Variants in ROBO2 observed in about 807,000 individuals in gnomAD.
ROBO2 encodes roundabout homolog 2.
ROBO2 carries 53 observed loss-of-function variants against 160.8 expected under a neutral mutation model. The ratio of observed to expected loss-of-function variants is 0.33; its 90% CI spans 0.26 to 0.41. The LOEUF (loss-of-function observed/expected upper bound fraction) is 0.41. Ranked by LOEUF, ROBO2 falls within the 10% of genes least tolerant of loss-of-function variation. The probability of loss-of-function intolerance (pLI) is 1.00; values close to 1 mark genes in which losing one functional copy is unlikely to be tolerated. For synonymous variants in ROBO2, 664 were observed against 611.7 expected, an observed-to-expected ratio of 1.09 and a Z score of -1.26; for missense variants, 1,577 against 1,722.4, an observed-to-expected ratio of 0.92 and a Z score of 1.49.
At chr3:77,582,691 G>T (rs975980239) in intron 16 of ROBO2, among the ~76,000 whole-genome samples, 7 of 151,366 alleles carry the variant, frequency 4.6e-5, no homozygotes, top group Non-Finnish European at 8.8e-5. Flanking sequence ...TCTTTTTTTT[G>T]TTGTTGTTAT....
intron 2 of ROBO2, among the ~76,000 whole-genome samples, chr3:76,078,956 CATT>C (rs2068729910): frequency 6.6e-6 from 1 of 152,066 alleles, no homozygotes; most frequent in Non-Finnish European, 1.5e-5. Context: ...GATAATAGCT[CATT>C]GTAGTCTTGA....
Position 77,226,296 on chromosome 3 carries a change from CT to C in ROBO2, c.388+127966del, listed in dbSNP as rs142177538. On this transcript the variant is annotated intron_variant, in intron 2 of 25. Transcript: ENST00000461745. ...ACCGTTGTACGTGAATATTTATGTC[CT>C]TTTTTTTTTCAGTTTCACGTATATT... Among the ~76,000 whole-genome samples the C allele has an allele frequency of 6.1e-4, 90 of 147,254 alleles. 2 individuals are homozygous for C. In the East Asian group the frequency reaches 0.012, roughly 20 times the overall value.
At chr3:76,305,412 A>G (rs1226092389) in intron 2 of ROBO2, among the ~76,000 whole-genome samples, 5 of 149,060 alleles carry the variant, frequency 3.4e-5, no homozygotes, top group Non-Finnish European at 5.9e-5. Flanking sequence ...AAAAAAAAAA[A>G]AAAAAAAAAA....
chr3:76,001,991 A>AATTTGAAG (rs2065903072), intron 2 of ROBO2, among the ~76,000 whole-genome samples: 1 of 152,208 alleles, frequency 6.6e-6, no homozygotes, highest in Non-Finnish European at 1.5e-5. Context: ...TGTCTTTTAT[A>AATTTGAAG]ATTTGAAGAT....
At chr3:76,137,750 A>G (rs998959117) in intron 2 of ROBO2, among the ~76,000 whole-genome samples, 2 of 151,866 alleles carry the variant, frequency 1.3e-5, no homozygotes, top group Non-Finnish European at 2.9e-5. Flanking sequence ...CCTTGACTCA[A>G]TGTCCCCTAC....
At chr3:76,602,352 A>G (rs1326892762) in intron 2 of ROBO2, among the ~76,000 whole-genome samples, 1 of 152,116 alleles carries the variant, frequency 6.6e-6, no homozygotes, top group Non-Finnish European at 1.5e-5. Flanking sequence ...GTATCTTTTC[A>G]GCAAGACCCC....
At chr3:76,135,662 CA>C (rs577085988) in intron 2 of ROBO2, among the ~76,000 whole-genome samples, 1 of 151,988 alleles carries the variant, frequency 6.6e-6, no homozygotes, top group South Asian at 2.1e-4. Flanking sequence ...GTCTGTGATC[CA>C]AAATATTTTC....
At chr3:77,325,510 A>G (rs1044988894) in intron 2 of ROBO2, among the ~76,000 whole-genome samples, 1 of 152,152 alleles carries the variant, frequency 6.6e-6, no homozygotes, top group African/African-American at 2.4e-5. Context: ...ATTTAGTAGC[A>G]CTGACATTGA....
At chr3:76,145,781 C>T (rs1420155854) in intron 2 of ROBO2, among the ~76,000 whole-genome samples, 2 of 151,992 alleles carry the variant, frequency 1.3e-5, no homozygotes, top group East Asian at 3.9e-4. Flanking sequence ...GTTTTTCAAA[C>T]TAATTAGACA....
chr3:76,586,826 T>C (rs1251339092), intron 2 of ROBO2, among the ~76,000 whole-genome samples: 2 of 152,192 alleles, frequency 1.3e-5, no homozygotes, highest in African/African-American at 4.8e-5. Context: ...TGATCACATA[T>C]GCAAAGATAT....
At chr3:76,158,870 C>A (rs1175029029) in intron 2 of ROBO2, among the ~76,000 whole-genome samples, 1 of 152,106 alleles carries the variant, frequency 6.6e-6, no homozygotes, top group Non-Finnish European at 1.5e-5. Context: ...GATTACTTAT[C>A]ATCTTTACCA....
chr3:75,914,231 A>G (rs746449739), intron 1 of ROBO2, among the ~76,000 whole-genome samples: 236 of 152,308 alleles, frequency 1.5e-3, no homozygotes, highest in Non-Finnish European at 2.7e-3. Flanking sequence ...TTAAGAGTAA[A>G]GTAAATTATA....
chr3:77,090,062 A>G (rs1332550805), intron 1 of ROBO2, among the ~76,000 whole-genome samples: 3 of 152,130 alleles, frequency 2.0e-5, no homozygotes, highest in Non-Finnish European at 2.9e-5. Context: ...TTCTTTGGAA[A>G]TCTAGTGTAA....
At chr3:77,006,207 A>C (rs2061568468) in intron 2 of ROBO2, among the ~76,000 whole-genome samples, 1 of 152,080 alleles carries the variant, frequency 6.6e-6, no homozygotes. Flanking sequence ...GGCATTATCC[A>C]ACCAGGACCA....
chr3:76,750,369 C>T (rs1001864914), intron 2 of ROBO2, among the ~76,000 whole-genome samples: 15 of 152,068 alleles, frequency 9.9e-5, no homozygotes, highest in Non-Finnish European at 2.2e-4. Context: ...TGGAAGCATT[C>T]CCTTTGAAAA....
chr3:76,725,757 G>A, intron 2 of ROBO2, among the ~76,000 whole-genome samples: 1 of 152,138 alleles, frequency 6.6e-6, no homozygotes, highest in Non-Finnish European at 1.5e-5. Context: ...GGCCTCAGTG[G>A]AATTCTACAC....
At chr3:76,122,842 T>C (rs2070808478) in intron 2 of ROBO2, among the ~76,000 whole-genome samples, 1 of 152,186 alleles carries the variant, frequency 6.6e-6, no homozygotes, top group Admixed American at 6.5e-5. Context: ...AATTGTCTGA[T>C]GTTTTGTGAT....
chr3:76,227,077 G>A (rs1047332348), intron 2 of ROBO2, among the ~76,000 whole-genome samples: 5 of 152,148 alleles, frequency 3.3e-5, no homozygotes, highest in South Asian at 2.1e-4. Flanking sequence ...CAATTTTGCC[G>A]ACTGGCTCAC....
chr3:76,993,999 G>C (rs2060842196), intron 2 of ROBO2, among the ~76,000 whole-genome samples: 1 of 151,710 alleles, frequency 6.6e-6, no homozygotes, highest in Non-Finnish European at 1.5e-5. Flanking sequence ...ATGCCACCCT[G>C]GTAAAAATAG....
Sources: allele counts gnomAD v4.1 joint callset (sites outside exome capture counted in the v4.1 genomes callset), GRCh38; gene constraint gnomAD v4.1.1; transcripts MANE v1.5; gene names NCBI Gene and HGNC (gene_info 2026-07-23, HGNC 2026-07-21).